The following NCAPD3 variants were observed in gnomAD, a reference collection of about 807,000 sequenced individuals.
NCAPD3 encodes the protein non-SMC condensin II complex subunit D3.
A neutral mutation model predicts 182.9 loss-of-function variants in NCAPD3; 105 were observed. The ratio of observed to expected loss-of-function variants is 0.57; its 90% CI spans 0.49 to 0.68. The LOEUF is 0.68. NCAPD3 is among the 30% of genes least tolerant of loss of function. NCAPD3 has a pLI of 0.00. For synonymous variants in NCAPD3, 815 were observed against 679.9 expected, an observed-to-expected ratio of 1.20 and a Z score of -3.09; for missense variants, 1,944 against 1,837.0, an observed-to-expected ratio of 1.06 and a Z score of -1.07.
At chr11:134,160,502 C>T (rs1297431096) in intron 28 of NCAPD3, among the ~76,000 whole-genome samples, 3 of 152,180 alleles carry the variant, frequency 2.0e-5, no homozygotes, top group Non-Finnish European at 4.4e-5. Flanking sequence ...ATGCATGGAT[C>T]TAAAAGCTGC....
At chr11:134,165,631 C>T (rs547146032) in intron 27 of NCAPD3, among the ~76,000 whole-genome samples, 2 of 134,298 alleles carry the variant, frequency 1.5e-5, no homozygotes, top group East Asian at 2.4e-4. Flanking sequence ...GTGAGATGAG[C>T]TTAGGGGAGG....
intron 27 of NCAPD3, among the ~76,000 whole-genome samples, chr11:134,163,296 G>A (rs1440406562): frequency 6.6e-6 from 1 of 152,110 alleles, no homozygotes; most frequent in African/African-American, 2.4e-5. Context: ...GGAATAACCA[G>A]CACTACAGAC....
intron 1 of NCAPD3, chr11:134,223,195 C>A: frequency 1.8e-6 from 1 of 545,604 alleles, no homozygotes; most frequent in Non-Finnish European, 3.3e-6. Context: ...TTTCAAAAGT[C>A]GTTCTGCAAA....
Position 134,202,804 on chromosome 11 carries a change from A to C in NCAPD3, c.1615+12T>G, listed in dbSNP as rs1460686954. ...AGTATTACCTATCTGACAGTGATAA[A>C]ATCTGACATACCTCCAGATCCAACT... On this transcript the variant is annotated intron_variant, in intron 13 of 34. Coordinates refer to ENST00000534548, the MANE Select transcript of NCAPD3 (RefSeq NM_015261.3). 5.1e-6 allele frequency: 8 copies of C among 1,576,856 alleles called. No individual in the cohort carries two copies. The highest frequency in any genetic ancestry group is 6.9e-6 in the Non-Finnish European group (8 of 1,156,196).
At chr11:134,168,418 A>T in intron 26 of NCAPD3, 51 bp downstream of exon 26, 1 of 1,609,586 alleles carries the variant, frequency 6.2e-7, no homozygotes, top group Non-Finnish European at 8.5e-7. Context: ...TTATCAACAC[A>T]GCATTTCATT....
chr11:134,190,194 C>A (rs1944494181), intron 16 of NCAPD3, among the ~76,000 whole-genome samples: 2 of 152,168 alleles, frequency 1.3e-5, no homozygotes, highest in South Asian at 4.1e-4. Flanking sequence ...ATACGACTAT[C>A]CCTGGTTGTC....
At chr11:134,205,937 A>C (rs1333496071) in intron 8 of NCAPD3, among the ~76,000 whole-genome samples, 1 of 152,194 alleles carries the variant, frequency 6.6e-6, no homozygotes, top group Admixed American at 6.5e-5. Context: ...CAAGGCATGC[A>C]CACACTTGCA....
chr11:134,170,025 T>C (rs1159917407), intron 24 of NCAPD3, among the ~76,000 whole-genome samples: 1 of 152,352 alleles, frequency 6.6e-6, no homozygotes, highest in East Asian at 1.9e-4. Context: ...TGTAGGAGAC[T>C]GACTTCTCCT....
In NCAPD3 at chr11:134,157,968, G is replaced by T; in HGVS notation, c.4134C>A (p.Phe1378Leu). Residue 1378 changes from phenylalanine (F) to leucine (L), a missense_variant, in exon 31 of 35, where the codon TTC becomes TTA. By Grantham distance (22) the Phe-to-Leu change is conservative. Coordinates refer to ENST00000534548, the MANE Select transcript of NCAPD3 (RefSeq NM_015261.3). ...HRSRSLGVLP[F>L]TLNSGSPEKT... ...TTTCTGGGCTTCCAGAATTTAAAGT[G>T]AAAGGCAGCACTCCTAAGCTCCGAC... 6.2e-7 allele frequency: 1 copy of T among 1,614,144 alleles called. No individual in the cohort carries two copies. The highest frequency in any genetic ancestry group is 8.5e-7 in the Non-Finnish European group (1 of 1,180,012).
At position 134,184,621 on chromosome 11, in the gene NCAPD3, G is replaced by A; in HGVS notation, c.2451+16C>T. 1 of 1,556,894 alleles carries A rather than the reference G, an allele frequency of 6.4e-7. No homozygotes were observed. Among genetic ancestry groups the A allele is most frequent in the Non-Finnish European group, 8.8e-7 (1 of 1,142,522 alleles). On this transcript the variant is annotated intron_variant, in intron 19 of 34. Coordinates refer to ENST00000534548, the MANE Select transcript of NCAPD3 (RefSeq NM_015261.3). ...TCAAAGAAGTCAGAAACATGTCAGG[G>A]AAAGTCTGGCCATACCTGCTCCTCT...
At chr11:134,153,509 C>G (rs1402202595) in intron 32 of NCAPD3, 146 bp from the exon 33 acceptor site, 1 of 797,304 alleles carries the variant, frequency 1.3e-6, no homozygotes, top group East Asian at 2.5e-5. Context: ...GTCCCAGGGC[C>G]TGGCAGTGTT....
At chr11:134,159,742 G>T in intron 29 of NCAPD3, 150 bp downstream of exon 29, 1 of 783,164 alleles carries the variant, frequency 1.3e-6, no homozygotes, top group Non-Finnish European at 2.0e-6. Flanking sequence ...AGAAAGGCAC[G>T]AGGGAGTGGC....
chr11:134,219,570 T>C (rs923421145), intron 2 of NCAPD3, among the ~76,000 whole-genome samples: 2 of 152,226 alleles, frequency 1.3e-5, no homozygotes, highest in African/African-American at 4.8e-5. Context: ...AATTTTGTGA[T>C]GTGAAACTTG....
intron 16 of NCAPD3, among the ~76,000 whole-genome samples, chr11:134,191,501 A>G (rs1239363776): frequency 6.6e-6 from 1 of 152,222 alleles, no homozygotes. Context: ...ATACTTCAAT[A>G]CAAAAGTTTT....
At chr11:134,205,904 C>G (rs1937601733) in intron 8 of NCAPD3, among the ~76,000 whole-genome samples, 1 of 152,220 alleles carries the variant, frequency 6.6e-6, no homozygotes, top group African/African-American at 2.4e-5. Flanking sequence ...ATGTCTCCAA[C>G]TACCCTGCAC....
At chr11:134,219,747 G>C (rs1462175447) in intron 2 of NCAPD3, among the ~76,000 whole-genome samples, 1 of 152,110 alleles carries the variant, frequency 6.6e-6, no homozygotes, top group Non-Finnish European at 1.5e-5. Context: ...TACAGGAACT[G>C]TTTGGACAAA....
chr11:134,220,444 C>CTTTTTTTTTTTTTTTTTTTTTTTTTTT (rs1480704000), intron 2 of NCAPD3, 128 bp downstream of exon 2: 2 of 802,034 alleles, frequency 2.5e-6, no homozygotes, highest in Non-Finnish European at 3.9e-6. Context: ...TAACCACATT[C>CTTTTTTTTTTTTTTTTTTTTTTTTTTT]TTTATGTTAC....
At chr11:134,210,557 G>A in intron 3 of NCAPD3, 103 bp from the exon 4 acceptor site, 1 of 1,025,752 alleles carries the variant, frequency 9.7e-7, no homozygotes, top group East Asian at 2.5e-5. Flanking sequence ...GGCTTTTCAT[G>A]ACTGTGAATA....
At chr11:134,164,574 G>T (rs1010948164) in intron 27 of NCAPD3, among the ~76,000 whole-genome samples, 1 of 152,080 alleles carries the variant, frequency 6.6e-6, no homozygotes, top group South Asian at 2.1e-4. Flanking sequence ...TAGGGGAGCT[G>T]CACACTCACT....
Sources: gnomAD v4.1 joint callset for allele counts (sites outside exome capture counted in the v4.1 genomes callset) on GRCh38, gnomAD v4.1.1 for gene constraint, MANE v1.5 for transcripts, NCBI Gene and HGNC (gene_info 2026-07-23, HGNC 2026-07-21) for gene names.